Variants in RPS6KA2 observed in about 807,000 individuals in gnomAD.
RPS6KA2 encodes ribosomal protein S6 kinase alpha-2.
In RPS6KA2, 42 loss-of-function variants were observed where a neutral mutation model predicts 91.8. The observed-to-expected ratio is 0.46, with a 90% confidence interval of 0.36 to 0.59. The LOEUF (loss-of-function observed/expected upper bound fraction) is 0.59, where lower values mean the gene tolerates loss of function less well. Ranked by LOEUF, RPS6KA2 falls within the 20% of genes least tolerant of loss-of-function variation. RPS6KA2 has a pLI of 0.00. For synonymous variants in RPS6KA2, 414 were observed against 393.6 expected (o/e 1.05, Z -0.61); for missense variants, 798 against 978.5 (o/e 0.82, Z 2.46).
At position 166,433,755 on chromosome 6, in the gene RPS6KA2, T is replaced by TGCAAAAAC. The variant is rs1779211214; in HGVS notation, c.1333-1266_1333-1265insGTTTTTGC. Among the ~76,000 whole-genome samples, 5 of 152,146 alleles carry TGCAAAAAC rather than the reference T, an allele frequency of 3.3e-5. No homozygotes were observed. Among genetic ancestry groups the TGCAAAAAC allele is most frequent in the Admixed American group, 6.5e-5 (1 of 15,284 alleles). The stretch of plus-strand genomic sequence containing the variant: ...AGGCAGAGCTTTGCATAAAACTCTA[T>TGCAAAAAC]TTCGTTAATTTTTTTTGGAGACAGG... On this transcript the variant is annotated intron_variant, in intron 14 of 20. Transcript: ENST00000265678. This position sits in a 1 kb window ranked among gnomAD's most constrained non-coding sequence, Gnocchi z 4.4.
intron 2 of RPS6KA2, among the ~76,000 whole-genome samples, chr6:166,824,756 T>TGTGTGTGTCTGTGTGTCTAC (rs1202924575): frequency 1.4e-5 from 2 of 147,760 alleles, no homozygotes; most frequent in Non-Finnish European, 3.1e-5. Flanking sequence ...TGTATGTCTG[T>TGTGTGTGTCTGTGTGTCTAC]GTGTGTGTCT....
chr6:166,528,310 A>G (rs1042633010), intron 3 of RPS6KA2, among the ~76,000 whole-genome samples: 1 of 152,182 alleles, frequency 6.6e-6, no homozygotes, highest in Non-Finnish European at 1.5e-5. Flanking sequence ...CAAAAACAAG[A>G]AATGGGGAAA....
At position 166,745,498 on chromosome 6, in the gene RPS6KA2, C is replaced by T. The variant is rs143396996; in HGVS notation, c.123+112702G>A. 1.1e-3 allele frequency among the ~76,000 whole-genome samples: 168 copies of T among 152,214 alleles called. No individual in the cohort carries two copies. The Middle Eastern group carries it at 0.014, about 12-fold the overall frequency. On this transcript the variant is annotated intron_variant, in intron 2 of 21. Coordinates refer to the RPS6KA2 transcript ENST00000503859. ...GACACCAGTCAGATTGGACAAGGGC[C>T]CACCTTCAAGACCATTTTACCTTCA...
At chr6:166,477,233 A>T (rs1477484176) in intron 10 of RPS6KA2, among the ~76,000 whole-genome samples, 1 of 152,122 alleles carries the variant, frequency 6.6e-6, no homozygotes, top group Admixed American at 6.6e-5. Context: ...GGGAGGGTCC[A>T]CAGCTCCTCG....
At chr6:166,679,286 T>C (rs1216617339) in intron 2 of RPS6KA2, among the ~76,000 whole-genome samples, 34 of 147,002 alleles carry the variant, frequency 2.3e-4, no homozygotes, top group Admixed American at 2.2e-3. Flanking sequence ...AAACCCCAAC[T>C]CTCTTTAAAA....
chr6:166,708,520 C>T (rs1789755409), intron 2 of RPS6KA2, among the ~76,000 whole-genome samples: 1 of 152,208 alleles, frequency 6.6e-6, no homozygotes, highest in East Asian at 1.9e-4. Context: ...AAAATAATTT[C>T]AGTATAAACA....
intron 2 of RPS6KA2, among the ~76,000 whole-genome samples, chr6:166,700,303 A>T (rs1789471198): frequency 6.6e-6 from 1 of 152,226 alleles, no homozygotes; most frequent in Non-Finnish European, 1.5e-5. Flanking sequence ...TGTATCTTTG[A>T]ACATTTGATT....
intron 10 of RPS6KA2, among the ~76,000 whole-genome samples, chr6:166,486,243 CACACAGCTGTGAG>C (rs1781404047): frequency 1.6e-5 from 1 of 62,142 alleles, no homozygotes; most frequent in East Asian, 1.0e-3. Flanking sequence ...ATGAACCCCA[CACACAGCTGTGAG>C]CACACACACA....
At chr6:166,846,826 T>G (rs149219023) in intron 2 of RPS6KA2, among the ~76,000 whole-genome samples, 133 of 152,270 alleles carry the variant, frequency 8.7e-4, no homozygotes, top group African/African-American at 3.0e-3. Context: ...CTTTCACCAC[T>G]TCTATTCAAC....
chr6:166,566,884 T>C (rs898165201), intron 1 of RPS6KA2, among the ~76,000 whole-genome samples: 1 of 152,226 alleles, frequency 6.6e-6, no homozygotes, highest in Non-Finnish European at 1.5e-5. Flanking sequence ...CACTGTTCTG[T>C]GCCTGTGGCA....
Position 166,554,945 on chromosome 6 carries a change from A to G in RPS6KA2, c.100-16161T>C, listed in dbSNP as rs1339269379. Among the ~76,000 whole-genome samples, 3 of 152,246 alleles carry G rather than the reference A, an allele frequency of 2.0e-5. No homozygotes were observed. Among genetic ancestry groups the G allele is most frequent in the African/African-American group, 7.2e-5 (3 of 41,468 alleles). On this transcript the variant is annotated intron_variant, in intron 1 of 20. Transcript: ENST00000265678. This position sits in a 1 kb window ranked among gnomAD's most constrained non-coding sequence, Gnocchi z 4.3. ...ATGACTTTAGGAAATTGTTGCTTCT[A>G]TACTTTTTCTCTACAGAGCTAGAAT...
At chr6:166,668,562 C>T (rs1031328660) in intron 2 of RPS6KA2, among the ~76,000 whole-genome samples, 4 of 152,146 alleles carry the variant, frequency 2.6e-5, no homozygotes, top group African/African-American at 9.7e-5. Flanking sequence ...CCCCCAGTAA[C>T]CCCAAGATGG....
intron 2 of RPS6KA2, among the ~76,000 whole-genome samples, chr6:166,850,712 G>C (rs1444521937): frequency 2.0e-5 from 3 of 152,214 alleles, no homozygotes; most frequent in Non-Finnish European, 4.4e-5. Context: ...GGCTCAGCGG[G>C]AAGCCAGGCT....
intron 11 of RPS6KA2, among the ~76,000 whole-genome samples, chr6:166,464,686 A>G (rs146112825): frequency 6.6e-6 from 1 of 152,276 alleles, no homozygotes; most frequent in Non-Finnish European, 1.5e-5. Flanking sequence ...CTGTGTTCTC[A>G]GCATGCTTCA....
intron 2 of RPS6KA2, among the ~76,000 whole-genome samples, chr6:166,728,995 T>G (rs1394204926): frequency 6.6e-6 from 1 of 152,198 alleles, no homozygotes; most frequent in African/African-American, 2.4e-5. Flanking sequence ...AAGGAGGAAG[T>G]GACTGCTGCA....
At chr6:166,717,854 C>CTTT (rs11410957) in intron 2 of RPS6KA2, among the ~76,000 whole-genome samples, 2 of 145,648 alleles carry the variant, frequency 1.4e-5, no homozygotes, top group African/African-American at 5.0e-5. Context: ...TCTTTTCTTT[C>CTTT]TTTTTTTTTT....
At position 166,529,430 on chromosome 6, in the gene RPS6KA2, G is replaced by T. The variant is rs562390497; in HGVS notation, c.298+1802C>A. On this transcript the variant is annotated intron_variant, in intron 3 of 20. Transcript: ENST00000265678. ...ACACTGGGGCCTGTGGTGGGGTGGAGGGATGGGGGAGGGATAGCATTAGGA... is the reference window on the plus strand; with the variant it reads ...ACACTGGGGCCTGTGGTGGGGTGGATGGATGGGGGAGGGATAGCATTAGGA... Among the ~76,000 whole-genome samples, 37 of 152,244 alleles carry T rather than the reference G, an allele frequency of 2.4e-4. No homozygotes were observed. The South Asian group carries it at 2.9e-3, about 12-fold the overall frequency.
chr6:166,421,120 G>A (rs1358969027), intron 17 of RPS6KA2, among the ~76,000 whole-genome samples: 1 of 152,160 alleles, frequency 6.6e-6, no homozygotes, highest in African/African-American at 2.4e-5. Context: ...ATCCATCAGC[G>A]GGGTGACCTT....
intron 10 of RPS6KA2, among the ~76,000 whole-genome samples, chr6:166,477,652 G>C (rs753645575): frequency 6.6e-6 from 1 of 152,154 alleles, no homozygotes; most frequent in Admixed American, 6.5e-5. Context: ...AGTGGCTCAC[G>C]CCTGTAATCT....
Sources: gnomAD v4.1 joint callset for allele counts (sites outside exome capture counted in the v4.1 genomes callset) on GRCh38, gnomAD v4.1.1 for gene constraint, Gnocchi (gnomAD v3.1) non-coding constraint, MANE v1.5 for transcripts, NCBI Gene and HGNC (gene_info 2026-07-23, HGNC 2026-07-21) for gene names.